Variants in PDS5B observed in about 807,000 individuals in gnomAD.
PDS5B encodes PDS5 cohesin associated factor B, also known as sister chromatid cohesion protein PDS5 homolog B.
Under a neutral mutation model 184.1 loss-of-function variants are expected in PDS5B, and 51 were observed. The observed-to-expected ratio is 0.28, with a 90% confidence interval of 0.22 to 0.35. The LOEUF (loss-of-function observed/expected upper bound fraction) is 0.35. Ranked by LOEUF, PDS5B falls within the 10% of genes least tolerant of loss-of-function variation. The pLI, the probability that PDS5B is intolerant of heterozygous loss-of-function variation, is 1.00. For missense variants in PDS5B, 1,180 were observed against 1,723.3 expected (o/e 0.68, Z 5.58); for synonymous variants, 566 against 569.2 (o/e 0.99, Z 0.08).
chr13:32,690,437 G>A (rs189931435), intron 13 of PDS5B: 18 of 152,312 alleles, frequency 1.2e-4, no homozygotes, highest in Admixed American at 9.2e-4. Context: ...GTATGAAGGT[G>A]TTCCAAGGTT....
chr13:32,724,941 A>C (rs1314724678), intron 19 of PDS5B, among the ~76,000 whole-genome samples: 5 of 152,196 alleles, frequency 3.3e-5, no homozygotes, highest in African/African-American at 1.2e-4. Context: ...ATTCTGGTTC[A>C]ACTTTTTTAT....
chr13:32,715,492 A>G (rs1952351665), intron 19 of PDS5B, among the ~76,000 whole-genome samples: 2 of 152,318 alleles, frequency 1.3e-5, no homozygotes, highest in South Asian at 2.1e-4. Context: ...AGATATGGCT[A>G]TGTAAATGTA....
At chr13:32,665,588 C>CA (rs34604938) in intron 6 of PDS5B, among the ~76,000 whole-genome samples, 5,918 of 25,764 alleles carry the variant, frequency 0.23, 1,790 homozygotes, top group Middle Eastern at 0.45. Context: ...GACTCCGACT[C>CA]AAAAAAAAAA....
Position 32,776,967 on chromosome 13 carries a change from T to C in PDS5B, c.*1915T>C, listed in dbSNP as rs564066298. ...CAGCTCAGGTGGGATCAACATACAT[T>C]GGTTTTGAAATGTTTCCTTAGCTCG... On this transcript the variant is annotated 3_prime_UTR_variant, in exon 35 of 35. Coordinates refer to ENST00000315596, the MANE Select transcript of PDS5B (RefSeq NM_015032.4). 5 of 152,602 alleles carry C rather than the reference T, an allele frequency of 3.3e-5. No individual in the cohort carries two copies. In the South Asian group the frequency reaches 1.0e-3, roughly 32 times the overall value. 9.5% of individuals were successfully genotyped at this position (152,602 alleles called of 1,614,324 possible).
rs558537859 is a variant in PDS5B, at chr13:32,616,594, C to T, written c.-20+30001C>T. On this transcript the variant is annotated intron_variant, in intron 1 of 34. Transcript: ENST00000315596. ...CATATAAATACAAGAAAATGTAGCCCGAGTTGCCATTGTCTGATTTCTAAT... is the reference window on the plus strand; with the variant it reads ...CATATAAATACAAGAAAATGTAGCCTGAGTTGCCATTGTCTGATTTCTAAT... Among the ~76,000 whole-genome samples the T allele has an allele frequency of 2.6e-5, 4 of 152,156 alleles. No individual in the cohort carries two copies. In the East Asian group the frequency reaches 7.7e-4, roughly 29 times the overall value.
At chr13:32,588,372 T>A (rs902967807) in intron 1 of PDS5B, among the ~76,000 whole-genome samples, 1 of 152,202 alleles carries the variant, frequency 6.6e-6, no homozygotes, top group Non-Finnish European at 1.5e-5. Context: ...TAAATAAAAT[T>A]TGTACTTAAT....
chr13:32,702,074 A>G (rs1215861710), intron 17 of PDS5B, among the ~76,000 whole-genome samples: 1 of 152,074 alleles, frequency 6.6e-6, no homozygotes, highest in African/African-American at 2.4e-5. Flanking sequence ...CTTATACAAT[A>G]TATATAGCGC....
At position 32,776,636 on chromosome 13, in the gene PDS5B, A is replaced by G. The variant is rs948580321; in HGVS notation, c.*1584A>G. ...TATTCTAACTTATTAAATTTATCAC[A>G]TTGAATAGTGGAACATTTTCATATG... On this transcript the variant is annotated 3_prime_UTR_variant, in exon 35 of 35. Coordinates refer to ENST00000315596, the MANE Select transcript of PDS5B (RefSeq NM_015032.4). The G allele has an allele frequency of 9.8e-5, 15 of 152,316 alleles. No individual in the cohort carries two copies. The highest frequency in any genetic ancestry group is 3.1e-4 in the African/African-American group (13 of 41,424). 9.4% of individuals were successfully genotyped at this position (152,316 alleles called of 1,614,324 possible).
intron 1 of PDS5B, among the ~76,000 whole-genome samples, chr13:32,631,836 A>G (rs186302860): frequency 1.3e-5 from 2 of 152,006 alleles, no homozygotes. Flanking sequence ...ACTGTTTTCT[A>G]AACTTGTCTG....
At chr13:32,609,613 A>G (rs769215070) in intron 1 of PDS5B, among the ~76,000 whole-genome samples, 3 of 152,226 alleles carry the variant, frequency 2.0e-5, no homozygotes, top group Non-Finnish European at 1.5e-5. Context: ...ACCATAGTCC[A>G]TGGAAATAGT....
At chr13:32,659,451 T>G (rs1402033756) in intron 6 of PDS5B, among the ~76,000 whole-genome samples, 171 bp downstream of exon 6, 1 of 152,222 alleles carries the variant, frequency 6.6e-6, no homozygotes, top group East Asian at 1.9e-4. Flanking sequence ...AAAGATACAC[T>G]TAATAACTAA....
intron 24 of PDS5B, among the ~76,000 whole-genome samples, chr13:32,750,847 C>CTGTGTGTGTGTGTGTGTGTGTG (rs71194534): frequency 2.2e-4 from 31 of 143,422 alleles, no homozygotes; most frequent in African/African-American, 7.8e-4. Context: ...CGGCCTCCCT[C>CTGTGTGTGTGTGTGTGTGTGTG]TGTGTGTGTG....
At chr13:32,709,198 T>C (rs1395447238) in intron 18 of PDS5B, among the ~76,000 whole-genome samples, 1 of 152,080 alleles carries the variant, frequency 6.6e-6, no homozygotes, top group Admixed American at 6.5e-5. Flanking sequence ...ATTTGATTCC[T>C]TTTGTTTATT....
In PDS5B at chr13:32,775,112, T is replaced by TTTTG; in HGVS notation, c.*60_*61insTTTG. On this transcript the variant is annotated 3_prime_UTR_variant, in exon 35 of 35. Transcript: ENST00000315596. ...TTGGAAAAATCTTTTTTTTTTTTTT[T>TTTTG]GGTCAAGCTTGAGGCTGAATAAAGC... is the stretch of plus-strand genomic sequence containing the variant. The TTTTG allele has an allele frequency of 6.7e-7, 1 of 1,497,234 alleles. No homozygotes were observed. Among genetic ancestry groups the TTTTG allele is most frequent in the Non-Finnish European group, 9.2e-7 (1 of 1,091,314 alleles). 92.7% of individuals were successfully genotyped at this position (1,497,234 alleles called of 1,614,324 possible).
chr13:32,664,805 C>G (rs568719153), intron 6 of PDS5B, among the ~76,000 whole-genome samples: 1 of 151,862 alleles, frequency 6.6e-6, no homozygotes, highest in Admixed American at 6.6e-5. Flanking sequence ...GAGCTGTGAT[C>G]ACACCACGGC....
intron 1 of PDS5B, among the ~76,000 whole-genome samples, chr13:32,626,685 C>A (rs2058375932): frequency 6.6e-6 from 1 of 151,960 alleles, no homozygotes; most frequent in Non-Finnish European, 1.5e-5. Flanking sequence ...CAACTTACAT[C>A]TATTGGAATC....
intron 21 of PDS5B, among the ~76,000 whole-genome samples, chr13:32,735,925 C>G (rs1347677795): frequency 6.6e-6 from 1 of 151,898 alleles, no homozygotes; most frequent in Non-Finnish European, 1.5e-5. Flanking sequence ...TTCAGTTTGT[C>G]CTGTCAGTTG....
intron 1 of PDS5B, among the ~76,000 whole-genome samples, chr13:32,637,540 AAG>A (rs1315899849): frequency 1.3e-5 from 2 of 152,202 alleles, no homozygotes; most frequent in Non-Finnish European, 2.9e-5. Flanking sequence ...TGGAGTTGAA[AAG>A]AGAGATCTTT....
Position 32,755,898 on chromosome 13 carries a change from G to A in PDS5B, c.2998G>A (p.Ala1000Thr), listed in dbSNP as rs1954160709. The A allele has an allele frequency of 6.3e-7, 1 of 1,587,546 alleles. No homozygotes were observed. Among genetic ancestry groups the A allele is most frequent in the Non-Finnish European group, 8.6e-7 (1 of 1,161,432 alleles). ...TGTTCCATATACAATTCACCTTTTG[G>A]CACATGACCCAGATTATGTCAAAGT... ...YVVPYTIHLL[A>T]HDPDYVKVQD... Residue 1000 changes from alanine to threonine, a missense_variant, in exon 26 of 35, where the codon GCA (alanine) becomes ACA (threonine). This residue lies in a region of PDS5B where 57 missense variants were observed against 80.9 expected (regional missense o/e 0.70). Transcript: ENST00000315596.
Sources: allele counts gnomAD v4.1 joint callset (sites outside exome capture counted in the v4.1 genomes callset), GRCh38; gene constraint gnomAD v4.1.1; regional missense constraint gnomAD v4.1.1; transcripts MANE v1.5; gene names NCBI Gene and HGNC (gene_info 2026-07-23, HGNC 2026-07-21).